Variants in CIMAP3 observed in about 807,000 individuals in gnomAD.
The protein encoded by CIMAP3 is ciliary microtubule-associated protein 3.
the CIMAP3 span, chr1:111,347,661 A>C: frequency 7.0e-7 from 1 of 1,434,112 alleles, no homozygotes; most frequent in Admixed American, 2.0e-5. Context: ...GTTTTTTAAT[A>C]TACCACCCAA....
At chr1:111,336,530 C>T in the CIMAP3 span, among the ~76,000 whole-genome samples, 1 of 152,130 alleles carries the variant, frequency 6.6e-6, no homozygotes, top group East Asian at 1.9e-4. Context: ...AAAGCCAAGG[C>T]TCGAGAACTA....
chr1:111,350,034 G>A, the CIMAP3 span: 329 of 1,220,918 alleles, frequency 2.7e-4, no homozygotes, highest in African/African-American at 1.6e-3. Flanking sequence ...GTCCAGGGAC[G>A]GCTCTGGTAC....
the CIMAP3 span, among the ~76,000 whole-genome samples, chr1:111,341,353 T>TATA: frequency 6.6e-6 from 1 of 151,496 alleles, no homozygotes; most frequent in Non-Finnish European, 1.5e-5. Flanking sequence ...AAACTTAAAG[T>TATA]ATAATAATAA....
chr1:111,336,970 G>A, the CIMAP3 span, among the ~76,000 whole-genome samples: 1 of 151,934 alleles, frequency 6.6e-6, no homozygotes, highest in South Asian at 2.1e-4. Context: ...ACCCACAAAG[G>A]GAAGCCCATC....
At chr1:111,345,180 G>A in the CIMAP3 span, among the ~76,000 whole-genome samples, 2 of 152,134 alleles carry the variant, frequency 1.3e-5, no homozygotes, top group African/African-American at 2.4e-5. Flanking sequence ...TAAGTAATGG[G>A]TGATTGCATT....
chr1:111,336,845 A>G, the CIMAP3 span, among the ~76,000 whole-genome samples: 3 of 152,038 alleles, frequency 2.0e-5, no homozygotes, highest in African/African-American at 7.3e-5. Flanking sequence ...AAATACAGAG[A>G]ACACCACAAA....
At chr1:111,347,180 T>C in the CIMAP3 span, 8 of 1,053,202 alleles carry the variant, frequency 7.6e-6, no homozygotes, top group Non-Finnish European at 1.1e-5. Flanking sequence ...AAGAAAGCGC[T>C]CTGTTCTTCT....
At chr1:111,337,091 C>G in the CIMAP3 span, among the ~76,000 whole-genome samples, 1 of 152,046 alleles carries the variant, frequency 6.6e-6, no homozygotes, top group African/African-American at 2.4e-5. Flanking sequence ...CATATCCAGC[C>G]AAACTAAGCT....
chr1:111,350,248 A>G, the CIMAP3 span: 2 of 1,540,818 alleles, frequency 1.3e-6, no homozygotes, highest in Non-Finnish European at 1.8e-6. Context: ...ACTTCTGTAG[A>G]AGACTCTTAT....
the CIMAP3 span, among the ~76,000 whole-genome samples, chr1:111,325,236 A>C: frequency 6.6e-6 from 1 of 151,520 alleles, no homozygotes; most frequent in Non-Finnish European, 1.5e-5. Flanking sequence ...TAGCTCTGAA[A>C]TTCTTATGGC....
At chr1:111,331,895 T>C in the CIMAP3 span, among the ~76,000 whole-genome samples, 1 of 152,268 alleles carries the variant, frequency 6.6e-6, no homozygotes, top group Admixed American at 6.5e-5. Flanking sequence ...GGGATGTCAG[T>C]TCAGGGAGGG....
At chr1:111,347,760 G>A in the CIMAP3 span, 1 of 1,609,944 alleles carries the variant, frequency 6.2e-7, no homozygotes, top group East Asian at 2.2e-5. Context: ...TGAGGTTTAA[G>A]CCAATACAGA....
At chr1:111,338,001 A>C in the CIMAP3 span, among the ~76,000 whole-genome samples, 1 of 149,934 alleles carries the variant, frequency 6.7e-6, no homozygotes, top group Non-Finnish European at 1.5e-5. Context: ...ACTATCTCTC[A>C]GACCACAGTG....
chr1:111,352,751 A>T, the CIMAP3 span: 1 of 152,088 alleles, frequency 6.6e-6, no homozygotes. Flanking sequence ...TTCAGAGGTG[A>T]CAATTTAGCA....
the CIMAP3 span, chr1:111,352,009 G>A: frequency 6.6e-6 from 1 of 152,244 alleles, no homozygotes; most frequent in African/African-American, 2.4e-5. Context: ...TGAAGTCAGA[G>A]GAGGACTCCC....
At chr1:111,326,885 T>C in the CIMAP3 span, among the ~76,000 whole-genome samples, 1 of 152,182 alleles carries the variant, frequency 6.6e-6, no homozygotes, top group African/African-American at 2.4e-5. Context: ...CATTTCTTTG[T>C]CTTCTTTTGA....
the CIMAP3 span, among the ~76,000 whole-genome samples, chr1:111,333,501 G>A: frequency 2.0e-4 from 30 of 152,316 alleles, no homozygotes; most frequent in African/African-American, 7.0e-4. Context: ...TGATTTCCCA[G>A]CACATCTCCA....
chr1:111,335,089 T>C, the CIMAP3 span, among the ~76,000 whole-genome samples: 12 of 126,300 alleles, frequency 9.5e-5, no homozygotes, highest in Non-Finnish European at 1.7e-4. Context: ...GATTGGGTCA[T>C]TGCACTCCAG....
the CIMAP3 span, among the ~76,000 whole-genome samples, chr1:111,335,152 AAG>A: frequency 3.4e-5 from 4 of 118,094 alleles, no homozygotes; most frequent in Admixed American, 1.7e-4. Flanking sequence ...AAAAAAAAAA[AAG>A]ACAGAAAAAA....
Sources: gnomAD v4.1 joint callset for allele counts (sites outside exome capture counted in the v4.1 genomes callset) on GRCh38, gnomAD v4.1.1 for gene constraint, MANE v1.5 for transcripts, NCBI Gene and HGNC (gene_info 2026-07-23, HGNC 2026-07-21) for gene names.